VAPB: variants seen among roughly 807,000 people sequenced by gnomAD.
VAPB encodes the protein vesicle-associated membrane protein-associated protein B/C.
In VAPB, 7 loss-of-function variants were observed where a neutral mutation model predicts 25.6. That is an observed-to-expected ratio of 0.27 (90% CI 0.16 to 0.51). The LOEUF (loss-of-function observed/expected upper bound fraction) is 0.51, where lower values mean the gene tolerates loss of function less well. VAPB is among the 20% of genes least tolerant of loss of function. The pLI is 0.97. For missense variants in VAPB, 266 were observed against 301.3 expected, an observed-to-expected ratio of 0.88 and a Z score of 0.87; for synonymous variants, 112 against 109.2, an observed-to-expected ratio of 1.03 and a Z score of -0.16.
chr20:58,394,000 G>C (rs1237764647), intron 1 of VAPB, among the ~76,000 whole-genome samples: 1 of 152,218 alleles, frequency 6.6e-6, no homozygotes, highest in Admixed American at 6.5e-5. Context: ...CCAAAGTGCT[G>C]GGATGATAGG....
intron 1 of VAPB, among the ~76,000 whole-genome samples, chr20:58,392,007 C>T (rs760070512): frequency 7.2e-5 from 11 of 152,170 alleles, no homozygotes; most frequent in Non-Finnish European, 1.2e-4. Context: ...CATTAACTTT[C>T]TGAAAACCCC....
rs911621096 is a variant in VAPB at position 58,449,200 on chromosome 20, C to T, written c.*4965C>T. ...GCCTCTGAATCCCATTAGCCACAGC[C>T]TAGAACATTAGCTGAGCTGCACAAG... On this transcript the variant is annotated 3_prime_UTR_variant, in exon 6 of 6. Coordinates refer to ENST00000475243, the MANE Select transcript of VAPB (RefSeq NM_004738.5). The T allele has an allele frequency of 3.5e-5, 16 of 454,038 alleles. No homozygotes were observed. The highest frequency in any genetic ancestry group is 1.2e-4 in the Admixed American group (5 of 42,562). The allele number at this position is 454,038 out of a possible 1,614,324, so 28.1% of individuals were successfully genotyped here.
chr20:58,392,027 G>A (rs1987812842), intron 1 of VAPB, among the ~76,000 whole-genome samples: 2 of 152,112 alleles, frequency 1.3e-5, no homozygotes, highest in Admixed American at 6.5e-5. Context: ...CCAAATCCCA[G>A]TACAAACTCT....
chr20:58,407,243 A>G (rs1216972317), intron 1 of VAPB, among the ~76,000 whole-genome samples: 1 of 152,204 alleles, frequency 6.6e-6, no homozygotes, highest in African/African-American at 2.4e-5. Flanking sequence ...TGAAGTTCAT[A>G]CAGAAGCTTT....
chr20:58,392,889 A>T (rs969743786), intron 1 of VAPB, among the ~76,000 whole-genome samples: 4 of 152,256 alleles, frequency 2.6e-5, no homozygotes, highest in Non-Finnish European at 5.9e-5. Flanking sequence ...ATGCTGCATC[A>T]TAAATATCAA....
Position 58,449,742 on chromosome 20 carries a change from AG to A in VAPB, c.*5510del. ...GATTACAATTGCTTTATTACACCCC[AG>A]GGCTGATGGAGATGTAATCACTTGG... is the stretch of plus-strand genomic sequence containing the variant. On this transcript the variant is annotated 3_prime_UTR_variant, in exon 6 of 6. Transcript: ENST00000475243. 2.2e-6 allele frequency: 1 copy of A among 454,108 alleles called. No individual in the cohort carries two copies. The highest frequency in any genetic ancestry group is 1.6e-5 in the South Asian group (1 of 64,478). 28.1% of individuals were successfully genotyped at this position (454,108 alleles called of 1,614,324 possible).
At chr20:58,436,190 A>G (rs183915911) in intron 3 of VAPB, among the ~76,000 whole-genome samples, 297 of 152,278 alleles carry the variant, frequency 2.0e-3, no homozygotes, top group African/African-American at 6.8e-3. Flanking sequence ...ATATAAGTTT[A>G]AATTTTTTTT....
intron 1 of VAPB, among the ~76,000 whole-genome samples, chr20:58,414,384 C>A (rs1683905621): frequency 6.6e-6 from 1 of 151,340 alleles, no homozygotes; most frequent in Non-Finnish European, 1.5e-5. Flanking sequence ...CCCCACCTCC[C>A]AGACGGGGTG....
rs980389300 is a variant in VAPB at position 58,394,372 on chromosome 20, A to G, written c.58+4855A>G. ...GTGGATATAGTTCATTCAGTGCAGT[A>G]ATTATCTTTCAGATGCCAAGTACAG... On this transcript the variant is annotated intron_variant, in intron 1 of 5. Coordinates refer to ENST00000475243, the MANE Select transcript of VAPB (RefSeq NM_004738.5). 1.1e-4 allele frequency among the ~76,000 whole-genome samples: 16 copies of G among 152,352 alleles called. No homozygotes were observed. In the South Asian group the frequency reaches 3.3e-3, roughly 32 times the overall value.
chr20:58,413,136 C>CT (rs1438967554), intron 1 of VAPB, among the ~76,000 whole-genome samples: 4 of 53,192 alleles, frequency 7.5e-5, no homozygotes, highest in African/African-American at 2.5e-4. Flanking sequence ...TTGTATTTGC[C>CT]TTCTTTTTTT....
At chr20:58,413,805 C>T (rs1179889051) in intron 1 of VAPB, among the ~76,000 whole-genome samples, 8 of 147,936 alleles carry the variant, frequency 5.4e-5, no homozygotes, top group Non-Finnish European at 1.1e-4. Context: ...CCGGACGGGG[C>T]AGCTGGCCGG....
At chr20:58,421,708 AAG>A (rs1004993492) in intron 2 of VAPB, among the ~76,000 whole-genome samples, 8 of 152,034 alleles carry the variant, frequency 5.3e-5, no homozygotes, top group Non-Finnish European at 1.2e-4. Flanking sequence ...GAAGGAAAGA[AAG>A]AGAGGAGGGA....
chr20:58,442,354 G>A (rs900138852), intron 5 of VAPB, among the ~76,000 whole-genome samples: 10 of 152,142 alleles, frequency 6.6e-5, no homozygotes, highest in Admixed American at 2.0e-4. Flanking sequence ...GAAGCTTCTC[G>A]AGTGTATTTC....
At chr20:58,408,142 C>G (rs1988277102) in intron 1 of VAPB, among the ~76,000 whole-genome samples, 2 of 152,150 alleles carry the variant, frequency 1.3e-5, no homozygotes, top group African/African-American at 4.8e-5. Flanking sequence ...TAGTCTATTT[C>G]AATCAAGTTG....
Position 58,389,316 on chromosome 20 carries a change from C to G in VAPB, c.-144C>G. 4 of 578,636 alleles carry G rather than the reference C, an allele frequency of 6.9e-6. No homozygotes were observed. The highest frequency in any genetic ancestry group is 5.5e-5 in the East Asian group (1 of 18,316). The allele number at this position is 578,636 out of a possible 1,614,324, so 35.8% of individuals were successfully genotyped here. On this transcript the variant is annotated 5_prime_UTR_variant, in exon 1 of 6. Transcript: ENST00000475243. ...CGCGTAGACCGACCCCCCCCCAGCG[C>G]GCCCACCCGGTAGAGGACCCCCGCC...
At position 58,447,656 on chromosome 20, in the gene VAPB, GTGTGTGCA is replaced by G. The variant is rs3069390; in HGVS notation, c.*3444_*3451del. 408,848 of 451,236 alleles carry G rather than the reference GTGTGTGCA, an allele frequency of 0.91. 186,110 individuals are homozygous for G. Among genetic ancestry groups the G allele is most frequent in the African/African-American group, 0.93 (46,054 of 49,778 alleles). The allele number at this position is 451,236 out of a possible 1,614,324, so 28.0% of individuals were successfully genotyped here. A position where few individuals can be genotyped will look rare whatever the true frequency, so the allele number is the denominator to read the frequency against. On this transcript the variant is annotated 3_prime_UTR_variant, in exon 6 of 6. Coordinates refer to ENST00000475243, the MANE Select transcript of VAPB (RefSeq NM_004738.5). ...ATGAATTTGAAAACAGACTCTGTGT[GTGTGTGCA>G]TGTGTGCATGTGTGCATGTGTGGCA...
intron 1 of VAPB, among the ~76,000 whole-genome samples, chr20:58,415,187 A>G (rs1988510135): frequency 6.6e-6 from 1 of 152,268 alleles, no homozygotes; most frequent in South Asian, 2.1e-4. Flanking sequence ...AACACAATTT[A>G]AAATGACAAA....
chr20:58,399,277 G>A (rs1252068289), intron 1 of VAPB, among the ~76,000 whole-genome samples: 1 of 150,816 alleles, frequency 6.6e-6, no homozygotes, highest in Non-Finnish European at 1.5e-5. Context: ...TCCAGCCTGG[G>A]CAACAAGAGC....
chr20:58,419,430 T>C (rs1988621159), intron 2 of VAPB, among the ~76,000 whole-genome samples: 1 of 152,234 alleles, frequency 6.6e-6, no homozygotes, highest in Non-Finnish European at 1.5e-5. Context: ...AATCAAGTTA[T>C]TATCTTGAAG....
Sources: gnomAD v4.1 joint callset for allele counts (sites outside exome capture counted in the v4.1 genomes callset) on GRCh38, gnomAD v4.1.1 for gene constraint, MANE v1.5 for transcripts, NCBI Gene and HGNC (gene_info 2026-07-23, HGNC 2026-07-21) for gene names.